The following ADAMTSL1 variants were observed in gnomAD, a reference collection of about 807,000 sequenced individuals.
ADAMTSL1 encodes the protein ADAMTS-like protein 1.
Under a neutral mutation model 201.8 loss-of-function variants are expected in ADAMTSL1, and 126 were observed. The observed-to-expected ratio is 0.62, with a 90% confidence interval of 0.54 to 0.72. The LOEUF (loss-of-function observed/expected upper bound fraction) is 0.72. Ranked by LOEUF, ADAMTSL1 falls within the 30% of genes least tolerant of loss-of-function variation. The pLI, the probability that ADAMTSL1 is intolerant of heterozygous loss-of-function variation, is 0.00. For synonymous variants in ADAMTSL1, 1,121 were observed against 903.4 expected (o/e 1.24, Z -4.32); for missense variants, 2,679 against 2,277.8 (o/e 1.18, Z -3.59).
chr9:18,581,664 TC>T (rs1823101472), intron 4 of ADAMTSL1, among the ~76,000 whole-genome samples: 1 of 151,940 alleles, frequency 6.6e-6, no homozygotes, highest in Admixed American at 6.5e-5. Context: ...GTTATCTGCT[TC>T]CAAAATACAA....
At chr9:18,073,488 T>C (rs1823055917) in intron 1 of ADAMTSL1, among the ~76,000 whole-genome samples, 2 of 152,226 alleles carry the variant, frequency 1.3e-5, no homozygotes, top group Admixed American at 1.3e-4. Context: ...GGAAATTACA[T>C]GCCACAGTGG....
intron 3 of ADAMTSL1, among the ~76,000 whole-genome samples, chr9:18,568,932 G>A (rs1822114743): frequency 6.6e-6 from 1 of 152,094 alleles, no homozygotes; most frequent in Non-Finnish European, 1.5e-5. Flanking sequence ...ACAGAGGTAT[G>A]TCTCTCTAAA....
At chr9:18,039,176 C>T (rs1448369435) in intron 1 of ADAMTSL1, among the ~76,000 whole-genome samples, 1 of 151,998 alleles carries the variant, frequency 6.6e-6, no homozygotes, top group Admixed American at 6.6e-5. Context: ...AACTGTGTTG[C>T]AATAGAATGA....
chr9:18,886,211 T>TACATAC (rs1828877241), intron 23 of ADAMTSL1, among the ~76,000 whole-genome samples: 2 of 105,900 alleles, frequency 1.9e-5, no homozygotes, highest in African/African-American at 4.1e-5. Context: ...TATATATATA[T>TACATAC]ACACACACAT....
intron 23 of ADAMTSL1, among the ~76,000 whole-genome samples, chr9:18,870,029 T>C (rs1368773): frequency 0.09 from 13,623 of 152,208 alleles, 726 homozygotes; most frequent in East Asian, 0.19. Context: ...TCTGTTAAGA[T>C]TGTCTAGTAA....
At chr9:17,999,241 G>A (rs1819510621) in intron 1 of ADAMTSL1, among the ~76,000 whole-genome samples, 2 of 151,944 alleles carry the variant, frequency 1.3e-5, no homozygotes, top group Admixed American at 1.3e-4. Flanking sequence ...TTTTGCAACT[G>A]TCTAAAATAC....
At chr9:18,406,318 T>TCTTTTCTTTC (rs1818198832) in intron 2 of ADAMTSL1, among the ~76,000 whole-genome samples, 2 of 148,280 alleles carry the variant, frequency 1.3e-5, no homozygotes, top group African/African-American at 5.0e-5. Flanking sequence ...TCTTTTCTTT[T>TCTTTTCTTTC]CTTTTCTTTT....
intron 2 of ADAMTSL1, among the ~76,000 whole-genome samples, chr9:18,294,735 T>C (rs986243445): frequency 6.6e-6 from 1 of 152,104 alleles, no homozygotes; most frequent in Non-Finnish European, 1.5e-5. Context: ...CCCAAGTTCT[T>C]CATTTTGAAG....
At chr9:18,397,401 G>A (rs1031517504) in intron 2 of ADAMTSL1, among the ~76,000 whole-genome samples, 1 of 152,068 alleles carries the variant, frequency 6.6e-6, no homozygotes, top group Non-Finnish European at 1.5e-5. Context: ...GATTAAAGAT[G>A]CTGTTACATG....
chr9:18,240,014 C>G (rs1449063452), intron 2 of ADAMTSL1, among the ~76,000 whole-genome samples: 2 of 152,154 alleles, frequency 1.3e-5, no homozygotes, highest in East Asian at 1.9e-4. Flanking sequence ...TCAACTTCTT[C>G]CAAACTACTA....
At chr9:18,905,742 T>C in intron 26 of ADAMTSL1, 40 bp from the exon 27 acceptor site, 1 of 1,551,174 alleles carries the variant, frequency 6.4e-7, no homozygotes, top group Non-Finnish European at 8.8e-7. Flanking sequence ...CACCCTTGAC[T>C]TGGCTAATGT....
intron 1 of ADAMTSL1, among the ~76,000 whole-genome samples, chr9:17,983,890 T>G (rs1015910896): frequency 2.0e-5 from 3 of 152,176 alleles, no homozygotes; most frequent in African/African-American, 7.2e-5. Context: ...ATCTTATTTT[T>G]TAAATGAGAC....
intron 23 of ADAMTSL1, among the ~76,000 whole-genome samples, chr9:18,836,923 C>T (rs1583346): frequency 0.86 from 130,764 of 151,898 alleles, 56,427 homozygotes; most frequent in East Asian, 0.93. Context: ...AGGTTATTGA[C>T]ATATAGAAAT....
chr9:18,244,465 A>G (rs1831184174), intron 2 of ADAMTSL1, among the ~76,000 whole-genome samples: 1 of 151,984 alleles, frequency 6.6e-6, no homozygotes, highest in African/African-American at 2.4e-5. Flanking sequence ...CCCACACCCC[A>G]TGTACTTCTC....
At chr9:18,834,004 A>G (rs1017180915) in intron 23 of ADAMTSL1, among the ~76,000 whole-genome samples, 1 of 151,978 alleles carries the variant, frequency 6.6e-6, no homozygotes, top group African/African-American at 2.4e-5. Flanking sequence ...TAGTAGGTAT[A>G]TGGCCTTATT....
At chr9:17,950,962 T>C (rs1364082617) in intron 1 of ADAMTSL1, among the ~76,000 whole-genome samples, 1 of 152,094 alleles carries the variant, frequency 6.6e-6, no homozygotes, top group Admixed American at 6.5e-5. Context: ...CCAGGGTTAT[T>C]GTTTCCTAGA....
chr9:18,256,286 T>C (rs893121422), intron 2 of ADAMTSL1, among the ~76,000 whole-genome samples: 2 of 152,144 alleles, frequency 1.3e-5, no homozygotes, highest in African/African-American at 2.4e-5. Flanking sequence ...TGTCTAAGCA[T>C]GAGAAGTTTG....
At chr9:18,858,979 T>G (rs986947128) in intron 23 of ADAMTSL1, among the ~76,000 whole-genome samples, 38 of 151,624 alleles carry the variant, frequency 2.5e-4, no homozygotes, top group African/African-American at 7.1e-4. Context: ...ATCAAAAGGT[T>G]GACAACAAAT....
At chr9:18,813,771 A>C (rs2131163591) in intron 20 of ADAMTSL1, among the ~76,000 whole-genome samples, 1 of 152,296 alleles carries the variant, frequency 6.6e-6, no homozygotes, top group Middle Eastern at 3.4e-3. Context: ...GGACAGTATA[A>C]CTTTTTCCTT....
Sources: allele counts gnomAD v4.1 joint callset (sites outside exome capture counted in the v4.1 genomes callset), GRCh38; gene constraint gnomAD v4.1.1; transcripts MANE v1.5; gene names NCBI Gene and HGNC (gene_info 2026-07-23, HGNC 2026-07-21).